Variants in TRPC5 observed in about 807,000 individuals in gnomAD.
TRPC5 encodes the protein transient receptor potential cation channel subfamily C member 5, also known as short transient receptor potential channel 5.
TRPC5 carries 9 observed loss-of-function variants against 56.5 expected under a neutral mutation model. That is an observed-to-expected ratio of 0.16 (90% CI 0.10 to 0.28). The LOEUF (loss-of-function observed/expected upper bound fraction) is 0.28. TRPC5 is among the 10% of genes least tolerant of loss of function. TRPC5 has a pLI of 1.00. For missense variants in TRPC5, 469 were observed against 748.9 expected (o/e 0.63, Z 4.36); for synonymous variants, 282 against 278.5 (o/e 1.01, Z -0.13).
chrX:111,978,668 T>A (rs1338384870), intron 1 of TRPC5, among the ~76,000 whole-genome samples: 1 of 111,050 alleles, frequency 9.0e-6, no homozygotes, highest in Non-Finnish European at 1.9e-5. Flanking sequence ...AGTTATAATA[T>A]ACAACATGGT....
At chrX:112,041,275 T>G (rs1929884818) in intron 1 of TRPC5, among the ~76,000 whole-genome samples, 1 of 112,079 alleles carries the variant, frequency 8.9e-6, no homozygotes, top group African/African-American at 3.2e-5. Flanking sequence ...TGATGTCTTT[T>G]GTATAAAGAA....
At chrX:111,937,183 A>G (rs1256828738) in intron 2 of TRPC5, among the ~76,000 whole-genome samples, 1 of 105,636 alleles carries the variant, frequency 9.5e-6, no homozygotes, top group Non-Finnish European at 1.9e-5. Context: ...CCACTTTTTG[A>G]TGGAGTTGTT....
chrX:111,800,537 G>C (rs998980571), intron 7 of TRPC5, among the ~76,000 whole-genome samples: 5 of 110,769 alleles, frequency 4.5e-5, no homozygotes, highest in Non-Finnish European at 9.4e-5. Flanking sequence ...GGCCAAGGCG[G>C]GGGGATCACT....
intron 1 of TRPC5, among the ~76,000 whole-genome samples, chrX:112,076,269 G>C (rs1033554566): frequency 2.7e-5 from 3 of 111,423 alleles, no homozygotes; most frequent in Non-Finnish European, 5.6e-5. Flanking sequence ...GTCTGTCTCT[G>C]TGTCTTTACA....
chrX:111,794,987 A>G (rs1946048671), intron 7 of TRPC5, among the ~76,000 whole-genome samples: 1 of 111,575 alleles, frequency 9.0e-6, no homozygotes, highest in Non-Finnish European at 1.9e-5. Flanking sequence ...TTGTGTGTTG[A>G]CCTTGCATTC....
chrX:112,069,701 A>G (rs1053206635), intron 1 of TRPC5, among the ~76,000 whole-genome samples: 1 of 111,618 alleles, frequency 9.0e-6, no homozygotes, highest in Non-Finnish European at 1.9e-5. Context: ...TCCTTCCCTG[A>G]CTTCTGCTCT....
intron 1 of TRPC5, among the ~76,000 whole-genome samples, chrX:112,001,924 G>A (rs778332578): frequency 2.7e-5 from 3 of 111,730 alleles, no homozygotes; most frequent in Admixed American, 9.5e-5. Context: ...TCTCTCGCAC[G>A]TCACGTTCTA....
intron 1 of TRPC5, among the ~76,000 whole-genome samples, chrX:112,016,976 C>T (rs934042917): frequency 8.9e-6 from 1 of 111,759 alleles, no homozygotes; most frequent in Non-Finnish European, 1.9e-5. Flanking sequence ...TAATACGTGG[C>T]AGTTGTTGTT....
chrX:111,818,065 C>CT (rs1351944471), intron 7 of TRPC5, among the ~76,000 whole-genome samples: 1 of 111,483 alleles, frequency 9.0e-6, no homozygotes, highest in Non-Finnish European at 1.9e-5. Flanking sequence ...ACAAATGCTC[C>CT]TTCTGCCCTC....
chrX:111,895,994 C>A (rs1056616552), intron 3 of TRPC5: 1 of 110,737 alleles, frequency 9.0e-6, no homozygotes, highest in Admixed American at 9.6e-5. Context: ...TGGGGCAGTT[C>A]CCCTCTAGAG....
intron 1 of TRPC5, among the ~76,000 whole-genome samples, chrX:112,077,143 C>T (rs1282429569): frequency 9.0e-6 from 1 of 111,399 alleles, no homozygotes; most frequent in African/African-American, 3.3e-5. Flanking sequence ...GGCTTAGAGG[C>T]AAAGTGCATG....
chrX:111,792,813 G>A (rs1209424209), intron 7 of TRPC5, among the ~76,000 whole-genome samples: 1 of 111,949 alleles, frequency 8.9e-6, no homozygotes, highest in African/African-American at 3.2e-5. Context: ...ATCCTGGTTG[G>A]CATGATTGAC....
At chrX:111,872,133 G>C (rs1923784737) in intron 3 of TRPC5, among the ~76,000 whole-genome samples, 1 of 112,320 alleles carries the variant, frequency 8.9e-6, no homozygotes, top group African/African-American at 3.2e-5. Context: ...AGAACTGTGA[G>C]CTAAATAAAC....
chrX:112,067,990 G>A (rs2147743984), intron 1 of TRPC5, among the ~76,000 whole-genome samples: 1 of 112,400 alleles, frequency 8.9e-6, no homozygotes, highest in Non-Finnish European at 1.9e-5. Flanking sequence ...TAGATGATAT[G>A]ATCACTCCAT....
intron 4 of TRPC5, 147 bp from the exon 5 acceptor site, chrX:111,852,584 T>C (rs1300837551): frequency 1.6e-6 from 1 of 644,838 alleles, no homozygotes; most frequent in African/African-American, 2.3e-5. Context: ...AATAATCACT[T>C]GCTTTCCTAC....
intron 1 of TRPC5, among the ~76,000 whole-genome samples, chrX:111,999,180 G>A (rs1026896182): frequency 2.7e-5 from 3 of 111,022 alleles, no homozygotes; most frequent in Admixed American, 9.6e-5. Context: ...ACTTATGAGT[G>A]AGAACATGCA....
At chrX:111,885,170 T>C (rs548708438) in intron 3 of TRPC5, among the ~76,000 whole-genome samples, 1 of 113,083 alleles carries the variant, frequency 8.8e-6, no homozygotes, top group South Asian at 3.6e-4. Flanking sequence ...AGTTAATATC[T>C]AATCAGTCTA....
At chrX:112,023,502 A>T (rs970388038) in intron 1 of TRPC5, among the ~76,000 whole-genome samples, 1 of 108,737 alleles carries the variant, frequency 9.2e-6, no homozygotes, top group Non-Finnish European at 1.9e-5. Context: ...AGACTACTAT[A>T]AAAAAAGTAT....
chrX:111,794,473 C>T (rs756649738), intron 7 of TRPC5, among the ~76,000 whole-genome samples: 2 of 111,401 alleles, frequency 1.8e-5, no homozygotes, highest in Non-Finnish European at 3.8e-5. Flanking sequence ...TCATTTTTTC[C>T]ATTGTGTTTT....
Sources: gnomAD v4.1 joint callset for allele counts (sites outside exome capture counted in the v4.1 genomes callset) on GRCh38, gnomAD v4.1.1 for gene constraint, MANE v1.5 for transcripts, NCBI Gene and HGNC (gene_info 2026-07-23, HGNC 2026-07-21) for gene names.